The following SMPD3 variants were observed in gnomAD, a reference collection of about 807,000 sequenced individuals.
SMPD3 encodes nSMase-2.
SMPD3 carries 21 observed loss-of-function variants against 55.7 expected under a neutral mutation model. That is an observed-to-expected ratio of 0.38 (90% CI 0.27 to 0.54). SMPD3 has a LOEUF of 0.54. Among genes scored for constraint, SMPD3 ranks in the 20% least tolerant of loss-of-function variants. The probability of loss-of-function intolerance (pLI) is 0.80; values close to 1 mark genes in which losing one functional copy is unlikely to be tolerated. For synonymous variants in SMPD3, 457 were observed against 404.3 expected (o/e 1.13, Z -1.56); for missense variants, 842 against 899.6 (o/e 0.94, Z 0.82).
chr16:68,395,054 A>G (rs1262454969), intron 1 of SMPD3, among the ~76,000 whole-genome samples: 1 of 151,842 alleles, frequency 6.6e-6, no homozygotes, highest in Non-Finnish European at 1.5e-5. Flanking sequence ...GGAAATGCTT[A>G]CATATATATA....
chr16:68,370,833 C>T, intron 3 of SMPD3, 26 bp downstream of exon 3: 1 of 1,611,154 alleles, frequency 6.2e-7, no homozygotes, highest in Non-Finnish European at 8.5e-7. Context: ...GGCACGTGGT[C>T]CTCAGGCTGG....
chr16:68,426,249 G>T (rs907654510), intron 1 of SMPD3, among the ~76,000 whole-genome samples: 1 of 152,158 alleles, frequency 6.6e-6, no homozygotes, highest in Non-Finnish European at 1.5e-5. Context: ...CAAGCCCCAC[G>T]GATGTCAGAC....
At position 68,364,824 on chromosome 16, in the gene SMPD3, G is replaced by C; in HGVS notation, c.1482C>G (p.Ser494Arg). 1 of 1,613,878 alleles carries C rather than the reference G, an allele frequency of 6.2e-7. No individual in the cohort carries two copies. Among genetic ancestry groups the C allele is most frequent in the South Asian group, 1.1e-5 (1 of 91,082 alleles). Residue 494 changes from serine (S) to arginine (R), a missense_variant, in exon 5 of 9, where the codon AGC (serine) becomes AGG (arginine). Ser to Arg is a moderately radical substitution (Grantham distance 110, BLOSUM62 -1). Transcript: ENST00000219334. Reference sequence around the variant, plus strand: ...CCACCAGCTCCTCGGGGTTGGCTGCGCTGGACGAGGAGGTAGATTTTCGGA... The same window carrying C: ...CCACCAGCTCCTCGGGGTTGGCTGCCCTGGACGAGGAGGTAGATTTTCGGA... Reference protein sequence around the residue: ...ADFRKSTSSSSAANPEELVAF... With the variant: ...ADFRKSTSSSRAANPEELVAF...
At chr16:68,377,514 G>A (rs1023265410) in intron 2 of SMPD3, among the ~76,000 whole-genome samples, 3 of 152,192 alleles carry the variant, frequency 2.0e-5, no homozygotes, top group Admixed American at 6.5e-5. Context: ...ATCACGGCAC[G>A]GACAGTGGGA....
At chr16:68,410,041 C>A (rs1014052034) in intron 1 of SMPD3, among the ~76,000 whole-genome samples, 8 of 152,236 alleles carry the variant, frequency 5.3e-5, no homozygotes, top group Non-Finnish European at 1.2e-4. Context: ...GCCTCTCTGA[C>A]CCTAACGAGG....
At chr16:68,391,615 G>C (rs1027243458) in intron 1 of SMPD3, among the ~76,000 whole-genome samples, 8 of 152,176 alleles carry the variant, frequency 5.3e-5, no homozygotes, top group Non-Finnish European at 8.8e-5. Flanking sequence ...ATTCTACAGG[G>C]AGCATGGGGT....
intron 1 of SMPD3, among the ~76,000 whole-genome samples, chr16:68,387,951 C>T (rs1310169855): frequency 6.6e-6 from 1 of 152,214 alleles, no homozygotes; most frequent in African/African-American, 2.4e-5. Flanking sequence ...TAGGAATTTG[C>T]ACAGAAAAGG....
intron 1 of SMPD3, among the ~76,000 whole-genome samples, chr16:68,443,252 G>A (rs557366546): frequency 6.6e-6 from 1 of 152,324 alleles, no homozygotes; most frequent in East Asian, 1.9e-4. Context: ...TGGAGGTAGA[G>A]CTTTGGTTGG....
chr16:68,415,042 C>T lies in SMPD3; in HGVS notation c.-268-28383G>A, dbSNP rs114531379. 4.1e-3 allele frequency among the ~76,000 whole-genome samples: 627 copies of T among 152,080 alleles called. 8 individuals are homozygous for T. Among genetic ancestry groups the T allele is most frequent in the African/African-American group, 0.014 (581 of 41,476 alleles). ...GGGCATCTATGATGAGTCAGAGATG[C>T]GCAGGTGACAACTAAGGTGGCTGGC... On this transcript the variant is annotated intron_variant, in intron 1 of 8. Coordinates refer to ENST00000219334, the MANE Select transcript of SMPD3 (RefSeq NM_018667.4).
At chr16:68,441,363 G>T (rs1231264962) in intron 1 of SMPD3, among the ~76,000 whole-genome samples, 1 of 152,092 alleles carries the variant, frequency 6.6e-6, no homozygotes, top group Admixed American at 6.6e-5. Context: ...AGTTTATAAA[G>T]AAAATATCCT....
Position 68,437,615 on chromosome 16 carries a change from C to T in SMPD3, c.-269+10738G>A, listed in dbSNP as rs73551968. Among the ~76,000 whole-genome samples the T allele has an allele frequency of 6.9e-3, 1,050 of 152,312 alleles. 19 individuals carry two copies. Among genetic ancestry groups the T allele is most frequent in the African/African-American group, 0.024 (1,014 of 41,572 alleles). ...AGAAAACACAGTGATCTCTTTCATCCTCTATTATCTTGCACATCAAAACTC... is the reference window on the plus strand; with the variant it reads ...AGAAAACACAGTGATCTCTTTCATCTTCTATTATCTTGCACATCAAAACTC... On this transcript the variant is annotated intron_variant, in intron 1 of 8. Coordinates refer to ENST00000219334, the MANE Select transcript of SMPD3 (RefSeq NM_018667.4).
At position 68,363,577 on chromosome 16, in the gene SMPD3, G is replaced by C; in HGVS notation, c.1646-18C>G. On this transcript the variant is annotated intron_variant, in intron 6 of 8. Coordinates refer to ENST00000219334, the MANE Select transcript of SMPD3 (RefSeq NM_018667.4). ...CAGAGTACCTGGGGGGGACGAGGGG[G>C]TGACAGTGGTCGCTGCAGGCAGGGC... The C allele has an allele frequency of 6.2e-7, 1 of 1,610,552 alleles. No individual in the cohort carries two copies. The highest frequency in any genetic ancestry group is 8.5e-7 in the Non-Finnish European group (1 of 1,178,256).
chr16:68,428,358 C>T (rs1447155550), intron 1 of SMPD3, among the ~76,000 whole-genome samples: 1 of 152,246 alleles, frequency 6.6e-6, no homozygotes, highest in East Asian at 1.9e-4. Flanking sequence ...AAGAGCCACA[C>T]AGGCTGCCTC....
At chr16:68,393,319 G>A (rs1029907611) in intron 1 of SMPD3, among the ~76,000 whole-genome samples, 3 of 152,078 alleles carry the variant, frequency 2.0e-5, no homozygotes, top group Admixed American at 6.6e-5. Flanking sequence ...CCAGGGAATC[G>A]CTTGAACCCA....
At chr16:68,448,329 A>G (rs922070033) in intron 1 of SMPD3, 24 bp downstream of exon 1, 2 of 152,388 alleles carry the variant, frequency 1.3e-5, no homozygotes, top group African/African-American at 2.4e-5. Context: ...CCAAGAAAAC[A>G]AAAGCGAATT....
chr16:68,378,075 G>A (rs1044848557), intron 2 of SMPD3, among the ~76,000 whole-genome samples: 7 of 152,190 alleles, frequency 4.6e-5, no homozygotes, highest in Non-Finnish European at 8.8e-5. Context: ...CCGGCAGCAG[G>A]GCTGGGAGTC....
chr16:68,398,943 G>A (rs936120231), intron 1 of SMPD3, among the ~76,000 whole-genome samples: 1 of 152,312 alleles, frequency 6.6e-6, no homozygotes, highest in East Asian at 1.9e-4. Flanking sequence ...GGAAGCCTTT[G>A]ACATCGTGGC....
At chr16:68,421,385 G>T (rs1434509682) in intron 1 of SMPD3, among the ~76,000 whole-genome samples, 1 of 152,346 alleles carries the variant, frequency 6.6e-6, no homozygotes, top group East Asian at 1.9e-4. Context: ...ATGAGGGGGA[G>T]CCACAAAAGG....
rs1344670201 is a variant in SMPD3, at chr16:68,371,191, T to C, written c.991A>G (p.Lys331Glu). ...SKLLYKASVV[K>E]KAAARRRRHP... ...CGCCTCCTGCGTGCAGCCGCCTTCT[T>C]CACCACCGAGGCCTTGTACAGGAGC... Residue 331 changes from lysine to glutamate, a missense_variant, in exon 3 of 9, where the codon AAG becomes GAG. Transcript: ENST00000219334. The C allele has an allele frequency of 6.2e-7, 1 of 1,611,952 alleles. No individual in the cohort carries two copies. Among genetic ancestry groups the C allele is most frequent in the African/African-American group, 1.3e-5 (1 of 74,772 alleles).
Sources: gnomAD v4.1 joint callset for allele counts (sites outside exome capture counted in the v4.1 genomes callset) on GRCh38, gnomAD v4.1.1 for gene constraint, MANE v1.5 for transcripts, NCBI Gene and HGNC (gene_info 2026-07-23, HGNC 2026-07-21) for gene names.